ZNF827: variants seen among roughly 807,000 people sequenced by gnomAD.
ZNF827 encodes the protein zinc finger protein 827.
Under a neutral mutation model 102.4 loss-of-function variants are expected in ZNF827, and 13 were observed. The observed-to-expected ratio is 0.13, with a 90% confidence interval of 0.08 to 0.20. The LOEUF (loss-of-function observed/expected upper bound fraction) is 0.20. Among genes scored for constraint, ZNF827 ranks in the 10% least tolerant of loss-of-function variants. The pLI, the probability that ZNF827 is intolerant of heterozygous loss-of-function variation, is 1.00. For missense variants in ZNF827, 1,103 were observed against 1,344.4 expected (o/e 0.82, Z 2.81); for synonymous variants, 523 against 536.2 (o/e 0.98, Z 0.34).
chr4:145,889,770 AGTT>A (rs1750442451), intron 3 of ZNF827, among the ~76,000 whole-genome samples: 1 of 152,316 alleles, frequency 6.6e-6, no homozygotes, highest in Non-Finnish European at 1.5e-5. Flanking sequence ...TGAGGTCAAG[AGTT>A]CAAGACCAGC....
chr4:145,926,292 T>A (rs918254788), intron 1 of ZNF827, among the ~76,000 whole-genome samples: 1 of 152,234 alleles, frequency 6.6e-6, no homozygotes, highest in East Asian at 1.9e-4. Flanking sequence ...AATGTAGTGA[T>A]CATGCACAAT....
chr4:145,937,760 C>T (rs1458933087), intron 1 of ZNF827, among the ~76,000 whole-genome samples: 3 of 148,178 alleles, frequency 2.0e-5, no homozygotes, highest in East Asian at 4.0e-4. Context: ...CCGCCGCTGC[C>T]GCCGGCGGCT....
intron 8 of ZNF827, among the ~76,000 whole-genome samples, chr4:145,807,365 A>G (rs1741556021): frequency 6.6e-6 from 1 of 152,226 alleles, no homozygotes; most frequent in Non-Finnish European, 1.5e-5. Context: ...CATTATAGAA[A>G]ACTAGAAGAA....
chr4:145,916,033 G>A (rs867986661), intron 1 of ZNF827, among the ~76,000 whole-genome samples: 12 of 152,220 alleles, frequency 7.9e-5, no homozygotes, highest in Non-Finnish European at 1.5e-4. Flanking sequence ...ACACTGGGGT[G>A]GGGGTTGGGC....
intron 4 of ZNF827, among the ~76,000 whole-genome samples, chr4:145,881,044 G>A (rs184489064): frequency 6.6e-6 from 1 of 152,326 alleles, no homozygotes; most frequent in Admixed American, 6.5e-5. Context: ...AAAGCAAGAT[G>A]GGGAGCTGCC....
intron 5 of ZNF827, among the ~76,000 whole-genome samples, chr4:145,852,198 A>G (rs114017845): frequency 0.014 from 2,171 of 152,310 alleles, 22 homozygotes; most frequent in Middle Eastern, 0.041. Context: ...CAAAGCCAGA[A>G]AGAAGCTCTG....
intron 11 of ZNF827, among the ~76,000 whole-genome samples, chr4:145,770,035 C>T (rs1185156106): frequency 1.3e-5 from 2 of 152,282 alleles, no homozygotes; most frequent in East Asian, 1.9e-4. Context: ...CCGTGGCTCA[C>T]GCCTGTAATC....
intron 2 of ZNF827, among the ~76,000 whole-genome samples, chr4:145,898,628 C>T (rs1355457479): frequency 1.3e-5 from 2 of 152,154 alleles, no homozygotes; most frequent in Admixed American, 6.5e-5. Flanking sequence ...TCAGAGGAGC[C>T]GTGTAGCATG....
chr4:145,776,418 A>G (rs1737099087), intron 9 of ZNF827, among the ~76,000 whole-genome samples: 1 of 151,908 alleles, frequency 6.6e-6, no homozygotes, highest in African/African-American at 2.4e-5. Context: ...CCACAATCAC[A>G]TCACTGCACT....
rs542904584 is a variant in ZNF827, at chr4:145,859,209, G to T, written c.1982-9648C>A. ...GCAATAGATGGGGTAGGAAGGGAAC[G>T]TAGGCTCCATGCAGGTGAGGTCCTT... On this transcript the variant is annotated intron_variant, in intron 5 of 14. Transcript: ENST00000508784. 1.2e-3 allele frequency among the ~76,000 whole-genome samples: 177 copies of T among 152,262 alleles called. 1 individual carries two copies. Among genetic ancestry groups the T allele is most frequent in the African/African-American group, 3.9e-3 (163 of 41,554 alleles).
chr4:145,779,266 T>C, intron 9 of ZNF827, 108 bp downstream of exon 9: 2 of 1,414,652 alleles, frequency 1.4e-6, no homozygotes, highest in South Asian at 3.0e-5. Context: ...AGGTCAGCCA[T>C]TCCCAGCACT....
Position 145,786,318 on chromosome 4 carries a change from TG to T in ZNF827, c.2384-6808del, listed in dbSNP as rs1467173309. On this transcript the variant is annotated intron_variant, in intron 8 of 14. Transcript: ENST00000508784. ...CCTCTCAAAGAACCATCTCTCAACC[TG>T]ATTTTGGTAAAAGAAATGCTAAGAC... Among the ~76,000 whole-genome samples the T allele has an allele frequency of 5.9e-5, 9 of 152,326 alleles. No individual in the cohort carries two copies. In the East Asian group the frequency reaches 1.7e-3, roughly 29 times the overall value.
At chr4:145,922,767 G>A (rs1753164358) in intron 1 of ZNF827, among the ~76,000 whole-genome samples, 1 of 152,158 alleles carries the variant, frequency 6.6e-6, no homozygotes, top group Admixed American at 6.5e-5. Flanking sequence ...ACTGACTATG[G>A]TCATTCAAGT....
At chr4:145,856,682 T>TAC (rs58347486) in intron 5 of ZNF827, among the ~76,000 whole-genome samples, 1,536 of 141,840 alleles carry the variant, frequency 0.011, 15 homozygotes, top group African/African-American at 0.03. Context: ...AGTACACACA[T>TAC]ACACACACAC....
intron 5 of ZNF827, among the ~76,000 whole-genome samples, chr4:145,866,991 T>A (rs912145291): frequency 2.0e-5 from 3 of 152,350 alleles, no homozygotes; most frequent in Middle Eastern, 3.4e-3. Flanking sequence ...TCTTACACTA[T>A]CTAATGTTAT....
chr4:145,810,790 G>A (rs1320527847), intron 8 of ZNF827, among the ~76,000 whole-genome samples: 1 of 151,984 alleles, frequency 6.6e-6, no homozygotes, highest in Non-Finnish European at 1.5e-5. Context: ...AATATTCATG[G>A]TTTATTGAAA....
At chr4:145,842,040 C>T (rs1305002002) in intron 7 of ZNF827, among the ~76,000 whole-genome samples, 3 of 152,180 alleles carry the variant, frequency 2.0e-5, no homozygotes, top group Non-Finnish European at 4.4e-5. Flanking sequence ...GATAAAACAT[C>T]ATAAATCATT....
At chr4:145,895,672 T>C (rs1399654141) in intron 2 of ZNF827, among the ~76,000 whole-genome samples, 1 of 152,242 alleles carries the variant, frequency 6.6e-6, no homozygotes, top group African/African-American at 2.4e-5. Context: ...TCTACATTTT[T>C]ATTTATTCAA....
In ZNF827 at chr4:145,760,980, GAAGGC is replaced by G; in HGVS notation, c.*631_*635del. ...TGTCAAAGCGCAAAGGGGAGCCGTT[GAAGGC>G]CAAAGCCTTGAGTGCCAGGTTGGGC... On this transcript the variant is annotated 3_prime_UTR_variant, in exon 15 of 15. Coordinates refer to ENST00000508784, the MANE Select transcript of ZNF827 (RefSeq NM_001306215.2). 1 of 1,248,560 alleles carries G rather than the reference GAAGGC, an allele frequency of 8.0e-7. No homozygotes were observed. The highest frequency in any genetic ancestry group is 1.0e-6 in the Non-Finnish European group (1 of 969,112). 77.3% of individuals were successfully genotyped at this position (1,248,560 alleles called of 1,614,324 possible). A position where few individuals can be genotyped will look rare whatever the true frequency, so the allele number is the denominator to read the frequency against.
Sources: gnomAD v4.1 joint callset for allele counts (sites outside exome capture counted in the v4.1 genomes callset) on GRCh38, gnomAD v4.1.1 for gene constraint, MANE v1.5 for transcripts, NCBI Gene and HGNC (gene_info 2026-07-23, HGNC 2026-07-21) for gene names.